The following NUP210 variants were observed in gnomAD, a reference collection of about 807,000 sequenced individuals.
NUP210 encodes nuclear pore membrane glycoprotein 210.
NUP210 carries 151 observed loss-of-function variants against 196.0 expected under a neutral mutation model. That is an observed-to-expected ratio of 0.77 (90% CI 0.67 to 0.88). The LOEUF is 0.88. Among genes scored for constraint, NUP210 ranks in the 40% least tolerant of loss-of-function variants. The pLI is 0.00. For synonymous variants in NUP210, 1,070 were observed against 1,052.7 expected (o/e 1.02, Z -0.32); for missense variants, 2,314 against 2,493.7 (o/e 0.93, Z 1.53).
At chr3:13,342,654 C>G (rs1281806477) in intron 21 of NUP210, among the ~76,000 whole-genome samples, 2 of 152,160 alleles carry the variant, frequency 1.3e-5, no homozygotes, top group Non-Finnish European at 2.9e-5. Context: ...GGAACCTGAC[C>G]GCAACCCTCT....
intron 1 of NUP210, among the ~76,000 whole-genome samples, chr3:13,414,220 C>T (rs1294440667): frequency 6.6e-6 from 1 of 152,366 alleles, no homozygotes; most frequent in South Asian, 2.1e-4. Flanking sequence ...CCCATCCACC[C>T]GCGGGGTCCA....
chr3:13,377,733 G>C (rs1312662182), intron 8 of NUP210, among the ~76,000 whole-genome samples, 171 bp from the exon 9 acceptor site: 24 of 139,282 alleles, frequency 1.7e-4, no homozygotes, highest in South Asian at 2.5e-4. Context: ...CACTTACCTG[G>C]AGGCCCCACT....
chr3:13,386,419 G>T lies in NUP210; in HGVS notation c.685-12C>A. 6.2e-7 allele frequency: 1 copy of T among 1,613,890 alleles called. No individual in the cohort carries two copies. Among genetic ancestry groups the T allele is most frequent in the Non-Finnish European group, 8.5e-7 (1 of 1,179,942 alleles). On this transcript the variant is annotated splice_polypyrimidine_tract_variant and intron_variant, in intron 5 of 39. Transcript: ENST00000254508. Reference sequence around the variant, plus strand: ...GCAGGGCGTACATTCTTGGCATAAAGAAAAGGCAGACAAAGTGAGGTGCGG... The same window carrying T: ...GCAGGGCGTACATTCTTGGCATAAATAAAAGGCAGACAAAGTGAGGTGCGG...
At chr3:13,368,929 A>G (rs1439913524) in intron 13 of NUP210, among the ~76,000 whole-genome samples, 1 of 152,128 alleles carries the variant, frequency 6.6e-6, no homozygotes, top group Non-Finnish European at 1.5e-5. Context: ...TACTTTCAAC[A>G]CCTTTGGATG....
chr3:13,339,649 G>C (rs2124857978), intron 25 of NUP210, among the ~76,000 whole-genome samples: 1 of 152,360 alleles, frequency 6.6e-6, no homozygotes, highest in Middle Eastern at 3.4e-3. Flanking sequence ...GGGAGACTCA[G>C]CTTGGAGAAG....
intron 1 of NUP210, among the ~76,000 whole-genome samples, chr3:13,408,306 G>C (rs565669224): frequency 2.0e-5 from 3 of 152,088 alleles, no homozygotes; most frequent in Non-Finnish European, 2.9e-5. Context: ...TGGTCTGTGG[G>C]ATTTTTTTTT....
intron 20 of NUP210, among the ~76,000 whole-genome samples, chr3:13,346,825 G>A (rs968825968): frequency 6.6e-5 from 10 of 152,208 alleles, no homozygotes; most frequent in Admixed American, 5.9e-4. Context: ...TGCCAAGCGA[G>A]TGTGCCCCTG....
At chr3:13,406,880 G>A (rs1419313842) in intron 1 of NUP210, among the ~76,000 whole-genome samples, 2 of 125,442 alleles carry the variant, frequency 1.6e-5, no homozygotes, top group Non-Finnish European at 3.1e-5. Flanking sequence ...AGGTTTCATA[G>A]TCGGGAGTGG....
chr3:13,395,062 C>T (rs1454142410), intron 3 of NUP210, among the ~76,000 whole-genome samples: 2 of 152,080 alleles, frequency 1.3e-5, no homozygotes, highest in African/African-American at 4.8e-5. Context: ...GACCAGGTGA[C>T]GTCCTACTCT....
rs746754672 is a variant in NUP210 at position 13,321,665 on chromosome 3, C to T, written c.5086G>A (p.Ala1696Thr). ...TAGTGGTTGCTCAAAAGGATTTCAG[C>T]CTGGTCGGCGAAGAGACCTGGGCTG... ...PFSPGLFADQAEILLSNHYTS... is the reference protein window; with the variant it reads ...PFSPGLFADQTEILLSNHYTS... Residue 1696 changes from alanine to threonine, a missense_variant, in exon 36 of 40, where the codon GCT becomes ACT. Ala to Thr is a moderately conservative substitution (Grantham distance 58). Transcript: ENST00000254508. The T allele has an allele frequency of 5.8e-5, 93 of 1,614,024 alleles. No homozygotes were observed. The highest frequency in any genetic ancestry group is 7.7e-5 in the Non-Finnish European group (91 of 1,180,042).
intron 16 of NUP210, among the ~76,000 whole-genome samples, chr3:13,354,925 G>A (rs1253018860): frequency 6.6e-6 from 1 of 152,218 alleles, no homozygotes; most frequent in African/African-American, 2.4e-5. Context: ...GCTGAATCAA[G>A]CCTCTTTCCT....
intron 14 of NUP210, among the ~76,000 whole-genome samples, chr3:13,362,638 C>T (rs182556785): frequency 1.3e-5 from 2 of 152,308 alleles, no homozygotes; most frequent in East Asian, 1.9e-4. Flanking sequence ...TATAGGTTAT[C>T]GACTGTCTCT....
Position 13,348,812 on chromosome 3 carries a change from C to T in NUP210, c.2835+3067G>A, listed in dbSNP as rs1697853193. On this transcript the variant is annotated intron_variant, in intron 20 of 39. Coordinates refer to ENST00000254508, the MANE Select transcript of NUP210 (RefSeq NM_024923.4). The surrounding 1 kb of genome is among the most constrained non-coding windows in gnomAD (Gnocchi z 4.0). ...TTGAGGCACGGCGCTGAGAAAACAT[C>T]CTCTTTGCAAGACAGCTGGAGACCA... 7 of 985,422 alleles carry T rather than the reference C, an allele frequency of 7.1e-6. No individual in the cohort carries two copies. The highest frequency in any genetic ancestry group is 8.4e-6 in the Non-Finnish European group (7 of 829,932). 61.0% of individuals were successfully genotyped at this position (985,422 alleles called of 1,614,324 possible). A position where few individuals can be genotyped will look rare whatever the true frequency, so the allele number is the denominator to read the frequency against.
chr3:13,336,585 C>T (rs867205241), intron 27 of NUP210, among the ~76,000 whole-genome samples: 35 of 152,260 alleles, frequency 2.3e-4, no homozygotes, highest in African/African-American at 7.7e-4. Context: ...GGAGAGGCAC[C>T]TACTCACCCC....
rs201392181 is a variant in NUP210 at position 13,319,199 on chromosome 3, A to G, written c.5479+31T>C. The stretch of plus-strand genomic sequence containing the variant: ...GGTTAGAGCAGGTCGGGGCAGGGGA[A>G]CAGACCCAGAGATACAGGCAGCCTC... On this transcript the variant is annotated intron_variant, in intron 38 of 39. Coordinates refer to ENST00000254508, the MANE Select transcript of NUP210 (RefSeq NM_024923.4). The G allele has an allele frequency of 1.1e-5, 18 of 1,611,456 alleles. No individual in the cohort carries two copies. In the East Asian group the frequency reaches 3.8e-4, roughly 34 times the overall value.
rs552619091 is a variant in NUP210, at chr3:13,390,456, C to G, written c.533+755G>C. Among the ~76,000 whole-genome samples, 17 of 152,368 alleles carry G rather than the reference C, an allele frequency of 1.1e-4. 1 individual carries two copies. The South Asian group carries it at 3.3e-3, about 30-fold the overall frequency. On this transcript the variant is annotated intron_variant, in intron 4 of 39. Coordinates refer to ENST00000254508, the MANE Select transcript of NUP210 (RefSeq NM_024923.4). ...CCTGCACCAGCACCGGCAGAGGACC[C>G]GCGTGGCTCTGCTCCTGCCCTGTCC... is the stretch of plus-strand genomic sequence containing the variant.
chr3:13,418,841 C>A (rs1011562796), intron 1 of NUP210, among the ~76,000 whole-genome samples: 1 of 150,292 alleles, frequency 6.7e-6, no homozygotes, highest in African/African-American at 2.4e-5. Flanking sequence ...CACCTGTAAT[C>A]CCAGCTACGA....
rs1192550854 is a variant in NUP210 at position 13,340,245 on chromosome 3, G to A, written c.3282C>T (p.Ala1094=). Residue 1094 remains alanine (A), a synonymous_variant, in exon 24 of 40, where the codon GCC becomes GCT. Transcript: ENST00000254508. The surrounding 1 kb of genome is among the most constrained non-coding windows in gnomAD (Gnocchi z 4.0). ...MPRKVTLLIG[A]TMQVTSEGGP... is the part of the protein sequence containing the mutation. ...GCCTCTTGGCTCTCACCTGCATCGT[G>A]GCCCCGATAAGCAGTGTCACCTTCC... 1.2e-6 allele frequency: 2 copies of A among 1,613,448 alleles called. No homozygotes were observed. The highest frequency in any genetic ancestry group is 2.2e-5 in the East Asian group (1 of 44,876).
intron 11 of NUP210, among the ~76,000 whole-genome samples, chr3:13,375,286 G>A (rs1698863030): frequency 6.6e-6 from 1 of 151,694 alleles, no homozygotes; most frequent in Admixed American, 6.6e-5. Flanking sequence ...ACCGCACCCT[G>A]CCTTATTCTC....
Sources: gnomAD v4.1 joint callset for allele counts (sites outside exome capture counted in the v4.1 genomes callset) on GRCh38, gnomAD v4.1.1 for gene constraint, Gnocchi (gnomAD v3.1) non-coding constraint, MANE v1.5 for transcripts, NCBI Gene and HGNC (gene_info 2026-07-23, HGNC 2026-07-21) for gene names.